The following USH2A variants were observed in gnomAD, a reference collection of about 807,000 sequenced individuals.
USH2A encodes Usher syndrome 2A (autosomal recessive, mild).
In USH2A, 443 loss-of-function variants were observed where a neutral mutation model predicts 538.9. The ratio of observed to expected loss-of-function variants is 0.82; its 90% CI spans 0.76 to 0.89. The LOEUF is 0.89. Among genes scored for constraint, USH2A ranks in the 40% least tolerant of loss-of-function variants. The probability of loss-of-function intolerance (pLI) is 0.00; values close to 1 mark genes in which losing one functional copy is unlikely to be tolerated. For synonymous variants in USH2A, 2,413 were observed against 2,273.5 expected (o/e 1.06, Z -1.75); for missense variants, 6,633 against 6,324.8 (o/e 1.05, Z -1.65).
chr1:215,867,336 T>C (rs1419570590), intron 43 of USH2A, among the ~76,000 whole-genome samples, 166 bp from the exon 44 acceptor site: 1 of 152,234 alleles, frequency 6.6e-6, no homozygotes, highest in Non-Finnish European at 1.5e-5. Flanking sequence ...TTTCCCTCCT[T>C]ACACAACACA....
Position 216,422,328 on chromosome 1 carries a change from G to T in USH2A, c.9C>A (p.Cys3Ter). The change falls in exon 2 of 72, where the codon TGC becomes TGA. Residue 3 changes from cysteine to a stop codon, truncating the protein, a stop_gained. Coordinates refer to ENST00000307340, the MANE Select transcript of USH2A (RefSeq NM_206933.4). LOFTEE classifies it high-confidence loss of function. ...AGCCAGAGCCCAATGAAAGAACTGG[G>T]CAATTCATGTTTACAAAAAAGCATT... The part of the protein sequence containing the change: MN[C>*]PVLSLGSGFL... The T allele has an allele frequency of 6.2e-7, 1 of 1,613,672 alleles. No individual in the cohort carries two copies. Among genetic ancestry groups the T allele is most frequent in the South Asian group, 1.1e-5 (1 of 91,076 alleles).
chr1:216,004,237 T>C (rs1286790980), intron 32 of USH2A, among the ~76,000 whole-genome samples: 1 of 152,114 alleles, frequency 6.6e-6, no homozygotes, highest in East Asian at 1.9e-4. Context: ...TTGAGATATA[T>C]AATTTGGTAA....
At chr1:215,651,291 A>G (rs1272096644) in intron 64 of USH2A, among the ~76,000 whole-genome samples, 1 of 152,238 alleles carries the variant, frequency 6.6e-6, no homozygotes, top group Admixed American at 6.5e-5. Context: ...GTATAATTAA[A>G]CACGAATATC....
At chr1:216,362,939 CA>C (rs199874021) in intron 4 of USH2A, among the ~76,000 whole-genome samples, 18 of 133,988 alleles carry the variant, frequency 1.3e-4, no homozygotes, top group African/African-American at 3.3e-4. Context: ...AACTCCCTGT[CA>C]AAAAAAAATA....
chr1:215,953,081 A>G (rs1666963851), intron 37 of USH2A, among the ~76,000 whole-genome samples: 2 of 152,176 alleles, frequency 1.3e-5, no homozygotes, highest in Admixed American at 6.5e-5. Flanking sequence ...AAACAAATGG[A>G]AGAACATTGC....
intron 62 of USH2A, among the ~76,000 whole-genome samples, chr1:215,677,812 G>T (rs1030376146): frequency 6.6e-6 from 1 of 152,046 alleles, no homozygotes; most frequent in East Asian, 1.9e-4. Context: ...ATCTCCTCTG[G>T]CACCATGGGT....
chr1:216,162,506 C>T (rs898458701), intron 21 of USH2A, among the ~76,000 whole-genome samples: 8 of 152,098 alleles, frequency 5.3e-5, no homozygotes, highest in South Asian at 4.2e-4. Context: ...TCATGGATGA[C>T]GCATAGTAAA....
At chr1:215,653,644 T>C (rs1259769486) in intron 64 of USH2A, among the ~76,000 whole-genome samples, 1 of 152,206 alleles carries the variant, frequency 6.6e-6, no homozygotes, top group Admixed American at 6.5e-5. Flanking sequence ...CTGTGAATAA[T>C]ATTTTTTCTG....
chr1:215,666,479 T>C (rs1657607889), intron 64 of USH2A, among the ~76,000 whole-genome samples: 1 of 152,114 alleles, frequency 6.6e-6, no homozygotes, highest in Admixed American at 6.6e-5. Flanking sequence ...CTTCACTTAT[T>C]TGGGCTGTTT....
intron 11 of USH2A, among the ~76,000 whole-genome samples, chr1:216,274,500 C>A (rs557161445): frequency 9.9e-5 from 15 of 152,102 alleles, no homozygotes; most frequent in Non-Finnish European, 2.1e-4. Context: ...GATACAATAA[C>A]TTTTTTCCTT....
intron 58 of USH2A, among the ~76,000 whole-genome samples, chr1:215,748,781 A>C (rs1300700448): frequency 6.6e-6 from 1 of 152,226 alleles, no homozygotes; most frequent in Non-Finnish European, 1.5e-5. Context: ...GATGATACTA[A>C]TAGCTACCTC....
chr1:216,118,154 A>G (rs1039366600), intron 21 of USH2A, among the ~76,000 whole-genome samples: 1 of 152,130 alleles, frequency 6.6e-6, no homozygotes, highest in Admixed American at 6.6e-5. Context: ...TTCTTCTTTC[A>G]CAAGTCTTTT....
chr1:215,885,141 G>C (rs942608773), intron 41 of USH2A, among the ~76,000 whole-genome samples: 2 of 151,314 alleles, frequency 1.3e-5, no homozygotes, highest in African/African-American at 4.9e-5. Context: ...TCCCATTTAA[G>C]TACCTTCTTC....
At chr1:215,963,366 C>G (rs952450168) in intron 37 of USH2A, among the ~76,000 whole-genome samples, 1 of 152,020 alleles carries the variant, frequency 6.6e-6, no homozygotes, top group Non-Finnish European at 1.5e-5. Context: ...ACCAATGACA[C>G]GAATTTTCCT....
At chr1:216,102,496 T>TTTTTAA (rs2032606218) in intron 21 of USH2A, among the ~76,000 whole-genome samples, 1 of 152,004 alleles carries the variant, frequency 6.6e-6, no homozygotes, top group South Asian at 2.1e-4. Flanking sequence ...AAACTGACAG[T>TTTTTAA]ATTTATTAAG....
At chr1:215,717,860 T>C (rs1197453547) in intron 61 of USH2A, among the ~76,000 whole-genome samples, 1 of 152,172 alleles carries the variant, frequency 6.6e-6, no homozygotes, top group Non-Finnish European at 1.5e-5. Flanking sequence ...ACCCTGACAA[T>C]GGAGTGTTTG....
At chr1:215,909,981 C>T (rs762297462) in intron 38 of USH2A, among the ~76,000 whole-genome samples, 1 of 151,800 alleles carries the variant, frequency 6.6e-6, no homozygotes, top group Non-Finnish European at 1.5e-5. Context: ...CCATTGACTA[C>T]GGGGGACTGG....
chr1:215,972,653 G>T (rs891337278), intron 35 of USH2A, among the ~76,000 whole-genome samples: 1 of 152,130 alleles, frequency 6.6e-6, no homozygotes, highest in Non-Finnish European at 1.5e-5. Context: ...CTTTTAAAAA[G>T]CCACTGCTGT....
intron 32 of USH2A, among the ~76,000 whole-genome samples, chr1:216,040,945 GATAA>G: frequency 6.6e-6 from 1 of 151,712 alleles, no homozygotes; most frequent in South Asian, 2.1e-4. Context: ...CTATACTTTT[GATAA>G]ATATTTATTT....
Sources: gnomAD v4.1 joint callset for allele counts (sites outside exome capture counted in the v4.1 genomes callset) on GRCh38, gnomAD v4.1.1 for gene constraint, MANE v1.5 for transcripts, NCBI Gene and HGNC (gene_info 2026-07-23, HGNC 2026-07-21) for gene names.